The following MAGI2 variants were observed in gnomAD, a reference collection of about 807,000 sequenced individuals.
MAGI2 encodes the protein membrane-associated guanylate kinase, WW and PDZ domain-containing protein 2.
MAGI2 carries 35 observed loss-of-function variants against 133.3 expected under a neutral mutation model. The ratio of observed to expected loss-of-function variants is 0.26; its 90% CI spans 0.20 to 0.35. MAGI2 has a LOEUF of 0.35. MAGI2 is among the 10% of genes least tolerant of loss of function. The probability of loss-of-function intolerance (pLI) is 1.00; values close to 1 mark genes in which losing one functional copy is unlikely to be tolerated. For missense variants in MAGI2, 1,636 were observed against 1,863.4 expected (o/e 0.88, Z 2.25); for synonymous variants, 729 against 710.6 (o/e 1.03, Z -0.41).
rs555319740 is a variant in MAGI2, at chr7:78,280,829, C to T, written c.1409-24248G>A. 1.3e-4 allele frequency among the ~76,000 whole-genome samples: 15 copies of T among 114,722 alleles called. No homozygotes were observed. In the South Asian group the frequency reaches 4.2e-3, roughly 32 times the overall value. 75.3% of individuals were successfully genotyped at this position (114,722 alleles called of 152,430 possible). A position where few individuals can be genotyped will look rare whatever the true frequency, so the allele number is the denominator to read the frequency against. ...ATCTGCATCAGGAATTGCCTTTTAA[C>T]TTGATCTTCAGGTGATGGGTATACA... is the stretch of plus-strand genomic sequence containing the variant. On this transcript the variant is annotated intron_variant, in intron 9 of 21. Transcript: ENST00000354212.
intron 1 of MAGI2, among the ~76,000 whole-genome samples, chr7:79,259,909 T>A (rs930490691): frequency 6.6e-6 from 1 of 152,234 alleles, no homozygotes; most frequent in African/African-American, 2.4e-5. Flanking sequence ...TGCAGGGCAC[T>A]TTATAGGAAA....
rs560771352 is a variant in MAGI2 at position 78,281,006 on chromosome 7, T to A, written c.1409-24425A>T. On this transcript the variant is annotated intron_variant, in intron 9 of 21. Coordinates refer to ENST00000354212, the MANE Select transcript of MAGI2 (RefSeq NM_012301.4). ...AACTGAATCAAAATCTCCTTCCTCA[T>A]AACTTTTACCTGCTATCCTTCAAAG... 3.9e-5 allele frequency among the ~76,000 whole-genome samples: 6 copies of A among 152,224 alleles called. No individual in the cohort carries two copies. In the East Asian group the frequency reaches 1.2e-3, roughly 29 times the overall value.
At chr7:78,836,041 A>AGGGG (rs1221196640) in intron 2 of MAGI2, among the ~76,000 whole-genome samples, 5 of 152,226 alleles carry the variant, frequency 3.3e-5, no homozygotes, top group Non-Finnish European at 5.9e-5. Context: ...AGGAACAGTA[A>AGGGG]TGGGTATTCC....
intron 2 of MAGI2, among the ~76,000 whole-genome samples, chr7:78,941,668 CA>C (rs1360708134): frequency 4.0e-5 from 6 of 151,162 alleles, no homozygotes; most frequent in Non-Finnish European, 8.8e-5. Flanking sequence ...TACTATATCC[CA>C]GGGAAAAACC....
chr7:79,026,054 G>A (rs116281765), intron 1 of MAGI2, among the ~76,000 whole-genome samples: 1,989 of 152,212 alleles, frequency 0.013, 47 homozygotes, highest in African/African-American at 0.046. Context: ...GCATTCAATT[G>A]TCCTTACCTG....
intron 2 of MAGI2, among the ~76,000 whole-genome samples, chr7:78,910,988 A>C (rs539246685): frequency 8.7e-4 from 133 of 152,326 alleles, no homozygotes; most frequent in African/African-American, 3.0e-3. Context: ...ATGTTTTAGT[A>C]AGTTGCCTTG....
chr7:78,271,136 T>G lies in MAGI2; in HGVS notation c.1409-14555A>C, dbSNP rs150288641. Among the ~76,000 whole-genome samples the G allele has an allele frequency of 7.1e-3, 1,075 of 152,248 alleles. 27 individuals are homozygous for G. Among genetic ancestry groups the G allele is most frequent in the East Asian group, 0.063 (326 of 5,176 alleles). On this transcript the variant is annotated intron_variant, in intron 9 of 21. Transcript: ENST00000354212. ...AAATAGCTCTTATTATTTTGAGATATGTTCCATCAATACCTAGTTTATTGA... is the reference window on the plus strand; with the variant it reads ...AAATAGCTCTTATTATTTTGAGATAGGTTCCATCAATACCTAGTTTATTGA...
At chr7:78,468,727 G>A (rs1790895826) in intron 6 of MAGI2, among the ~76,000 whole-genome samples, 1 of 152,154 alleles carries the variant, frequency 6.6e-6, no homozygotes, top group Non-Finnish European at 1.5e-5. Flanking sequence ...CAATTGGGAG[G>A]TTAAAAGCAA....
At chr7:79,124,811 C>A in intron 1 of MAGI2, 1 of 171,782 alleles carries the variant, frequency 5.8e-6, no homozygotes, top group Non-Finnish European at 1.2e-5. Context: ...TGAAACAACC[C>A]ATGAGAATCT....
At chr7:78,410,864 T>C (rs1583965859) in intron 6 of MAGI2, among the ~76,000 whole-genome samples, 1 of 152,040 alleles carries the variant, frequency 6.6e-6, no homozygotes, top group Middle Eastern at 3.4e-3. Flanking sequence ...GAATATAATA[T>C]ATATAAACCT....
At chr7:78,671,267 G>C (rs1585039696) in intron 2 of MAGI2, among the ~76,000 whole-genome samples, 1 of 135,278 alleles carries the variant, frequency 7.4e-6, no homozygotes, top group Non-Finnish European at 1.5e-5. Flanking sequence ...TAATTTAATT[G>C]TGTCTCTCTC....
At chr7:78,276,604 CTAATTT>C (rs1795082252) in intron 9 of MAGI2, among the ~76,000 whole-genome samples, 1 of 149,390 alleles carries the variant, frequency 6.7e-6, no homozygotes, top group Non-Finnish European at 1.5e-5. Flanking sequence ...TGCATGAACA[CTAATTT>C]TAACAATTTA....
chr7:78,298,796 C>T (rs897262683), intron 9 of MAGI2, among the ~76,000 whole-genome samples: 5 of 148,296 alleles, frequency 3.4e-5, no homozygotes, highest in African/African-American at 7.5e-5. Context: ...TGAGCCACCA[C>T]ACCTGGCCTA....
intron 6 of MAGI2, among the ~76,000 whole-genome samples, chr7:78,421,857 C>T (rs1057275391): frequency 1.3e-5 from 2 of 152,012 alleles, no homozygotes; most frequent in South Asian, 4.1e-4. Flanking sequence ...GGAACATTTT[C>T]CTTGGTGTAA....
At chr7:78,254,467 C>T (rs1792757053) in intron 10 of MAGI2, 1 of 152,082 alleles carries the variant, frequency 6.6e-6, no homozygotes, top group South Asian at 2.1e-4. Context: ...ATTAAAATAC[C>T]TTGCCAACAT....
intron 2 of MAGI2, among the ~76,000 whole-genome samples, chr7:78,664,956 T>C (rs1210868852): frequency 6.6e-6 from 1 of 152,118 alleles, no homozygotes; most frequent in Admixed American, 6.6e-5. Context: ...CATACGTAGA[T>C]ATAATAAAAA....
intron 20 of MAGI2, among the ~76,000 whole-genome samples, chr7:78,085,548 TCCCACACA>T (rs1816528561): frequency 1.2e-4 from 8 of 69,170 alleles, no homozygotes; most frequent in Admixed American, 1.1e-3. Flanking sequence ...ATAATAAAAC[TCCCACACA>T]CACACACACA....
intron 1 of MAGI2, among the ~76,000 whole-genome samples, chr7:79,022,117 T>A (rs1584707775): frequency 2.6e-5 from 4 of 152,202 alleles, no homozygotes; most frequent in Non-Finnish European, 4.4e-5. Context: ...CAATTAAACC[T>A]CTTTCCTTTA....
chr7:79,333,438 A>G (rs969813489), intron 1 of MAGI2, among the ~76,000 whole-genome samples: 3 of 152,108 alleles, frequency 2.0e-5, no homozygotes, highest in African/African-American at 7.2e-5. Flanking sequence ...ATTTTTTTCA[A>G]TAATGACATC....
Sources: gnomAD v4.1 joint callset for allele counts (sites outside exome capture counted in the v4.1 genomes callset) on GRCh38, gnomAD v4.1.1 for gene constraint, MANE v1.5 for transcripts, NCBI Gene and HGNC (gene_info 2026-07-23, HGNC 2026-07-21) for gene names.